The following MICAL2 variants were observed in gnomAD, a reference collection of about 807,000 sequenced individuals.
MICAL2 encodes microtubule associated monooxygenase, calponin and LIM domain containing 2, also known as [F-actin]-monooxygenase MICAL2.
A neutral mutation model predicts 127.3 loss-of-function variants in MICAL2; 77 were observed. That is an observed-to-expected ratio of 0.60 (90% CI 0.50 to 0.73). The LOEUF (loss-of-function observed/expected upper bound fraction) is 0.73. MICAL2 is among the 30% of genes least tolerant of loss of function. The pLI, the probability that MICAL2 is intolerant of heterozygous loss-of-function variation, is 0.00. For synonymous variants in MICAL2, 570 were observed against 551.1 expected, an observed-to-expected ratio of 1.03 and a Z score of -0.48; for missense variants, 1,351 against 1,434.4, an observed-to-expected ratio of 0.94 and a Z score of 0.94.
intron 25 of MICAL2, 191 bp from the exon 26 acceptor site, chr11:12,259,604 C>T (rs995123961): frequency 4.1e-6 from 2 of 489,514 alleles, no homozygotes; most frequent in Non-Finnish European, 7.2e-6. Flanking sequence ...GCTCGTGACT[C>T]CTATGGTCAG....
At chr11:12,348,627 G>C (rs1332782895) in intron 32 of MICAL2, among the ~76,000 whole-genome samples, 4 of 152,158 alleles carry the variant, frequency 2.6e-5, no homozygotes, top group Non-Finnish European at 5.9e-5. Flanking sequence ...AATGAACTAG[G>C]CATATTATTT....
At chr11:12,333,322 T>C (rs950579988) in intron 32 of MICAL2, among the ~76,000 whole-genome samples, 2 of 151,760 alleles carry the variant, frequency 1.3e-5, no homozygotes, top group African/African-American at 4.8e-5. Context: ...GAAAATCATT[T>C]GACACAATTT....
At chr11:12,276,586 C>T (rs141853027) in intron 1 of MICAL2, 309 of 154,966 alleles carry the variant, frequency 2.0e-3, no homozygotes, top group African/African-American at 7.0e-3. Flanking sequence ...ACATGAGGAG[C>T]GAAGCCCTGG....
chr11:12,154,593 C>G (rs1281710923), intron 2 of MICAL2, among the ~76,000 whole-genome samples: 1 of 152,178 alleles, frequency 6.6e-6, no homozygotes, highest in African/African-American at 2.4e-5. Flanking sequence ...AGACACTAGA[C>G]ATTATTTTAT....
chr11:12,263,226 T>G (rs1392639017), intron 27 of MICAL2: 1 of 152,208 alleles, frequency 6.6e-6, no homozygotes, highest in Non-Finnish European at 1.5e-5. Flanking sequence ...AGAGCCATCA[T>G]CATCCCAGGC....
chr11:12,349,709 G>A, intron 32 of MICAL2: 1 of 759,394 alleles, frequency 1.3e-6, no homozygotes, highest in South Asian at 1.7e-5. Flanking sequence ...GCACCTACAG[G>A]GTGTCAGGGA....
At chr11:12,232,752 TACTAAC>T (rs1273325343) in intron 15 of MICAL2, among the ~76,000 whole-genome samples, 1 of 152,190 alleles carries the variant, frequency 6.6e-6, no homozygotes, top group Non-Finnish European at 1.5e-5. Context: ...TAAATTATGT[TACTAAC>T]ACTAGCCTCA....
intron 1 of MICAL2, among the ~76,000 whole-genome samples, chr11:12,277,162 T>C (rs570731323): frequency 3.3e-5 from 5 of 152,124 alleles, no homozygotes; most frequent in Non-Finnish European, 7.4e-5. Context: ...AGTAGGGTTC[T>C]GCTCTGGAGC....
chr11:12,218,429 T>C (rs1338120309), intron 8 of MICAL2, among the ~76,000 whole-genome samples: 1 of 152,212 alleles, frequency 6.6e-6, no homozygotes, highest in Non-Finnish European at 1.5e-5. Flanking sequence ...AGCTCTAGCC[T>C]AGTGTCTTCC....
At chr11:12,190,715 C>A (rs1302995850) in intron 3 of MICAL2, among the ~76,000 whole-genome samples, 1 of 152,184 alleles carries the variant, frequency 6.6e-6, no homozygotes, top group Non-Finnish European at 1.5e-5. Flanking sequence ...CAATCCCATG[C>A]AAAATTAAGC....
At chr11:12,225,783 T>C (rs1437370652) in intron 13 of MICAL2, 5 of 220,826 alleles carry the variant, frequency 2.3e-5, no homozygotes, top group Non-Finnish European at 4.6e-5. Flanking sequence ...CTGCGCCTGG[T>C]CTCCCTTTTT....
chr11:12,118,964 G>A (rs1292061919), intron 1 of MICAL2, among the ~76,000 whole-genome samples: 1 of 152,124 alleles, frequency 6.6e-6, no homozygotes, highest in East Asian at 1.9e-4. Flanking sequence ...AAATCCTCTA[G>A]GTGGGTTCCT....
intron 3 of MICAL2, among the ~76,000 whole-genome samples, chr11:12,176,536 A>G (rs1856861177): frequency 6.6e-6 from 1 of 152,198 alleles, no homozygotes; most frequent in Non-Finnish European, 1.5e-5. Flanking sequence ...TGCACAGTTC[A>G]GTGGCAATAC....
chr11:12,333,318 C>A (rs925578920), intron 32 of MICAL2, among the ~76,000 whole-genome samples: 1 of 151,110 alleles, frequency 6.6e-6, no homozygotes, highest in Admixed American at 6.6e-5. Flanking sequence ...GAAGGAAAAT[C>A]ATTTGACACA....
At chr11:12,352,554 G>A (rs116961375) in intron 33 of MICAL2, among the ~76,000 whole-genome samples, 2,173 of 152,366 alleles carry the variant, frequency 0.014, 27 homozygotes, top group Middle Eastern at 0.065. Context: ...ACTTTGACAT[G>A]TGAACTAGAC....
At chr11:12,266,338 A>G (rs1007074437), downstream of MICAL2, among the ~76,000 whole-genome samples, 5 of 152,216 alleles carry the variant, frequency 3.3e-5, no homozygotes, top group African/African-American at 1.2e-4. Context: ...GAAATAATCC[A>G]GCAGAAGAAA....
intron 21 of MICAL2, 126 bp from the exon 22 acceptor site, chr11:12,249,058 C>A: frequency 8.5e-7 from 1 of 1,178,968 alleles, no homozygotes; most frequent in Non-Finnish European, 1.2e-6. Context: ...AACTGGAATA[C>A]TGCAATGTCC....
downstream of MICAL2, among the ~76,000 whole-genome samples, chr11:12,266,301 A>C (rs1294393162): frequency 6.6e-6 from 1 of 152,196 alleles, no homozygotes; most frequent in African/African-American, 2.4e-5. Flanking sequence ...TGGCCTAATA[A>C]TTCTACTGCA....
In MICAL2 at chr11:12,337,265, T is replaced by C. The variant is rs201718987; in HGVS notation, c.5515+9999T>C. ...TAGAGGTGTTTATAGTATTCTCTGA[T>C]GGTAGTTTGTATTTCTGTGGGATCG... On this transcript the variant is annotated intron_variant, in intron 32 of 34. Transcript: ENST00000646065. Among the ~76,000 whole-genome samples the C allele has an allele frequency of 1.4e-3, 212 of 152,344 alleles. 2 individuals carry two copies. In the East Asian group the frequency reaches 0.039, roughly 28 times the overall value.
Sources: gnomAD v4.1 joint callset for allele counts (sites outside exome capture counted in the v4.1 genomes callset) on GRCh38, gnomAD v4.1.1 for gene constraint, MANE v1.5 for transcripts, NCBI Gene and HGNC (gene_info 2026-07-23, HGNC 2026-07-21) for gene names.